The following NPC1L1 variants were observed in gnomAD, a reference collection of about 807,000 sequenced individuals.
NPC1L1 encodes NPC1-like intracellular cholesterol transporter 1.
NPC1L1 carries 98 observed loss-of-function variants against 117.0 expected under a neutral mutation model. That is an observed-to-expected ratio of 0.84 (90% CI 0.71 to 0.99). The LOEUF is 0.99. Among genes scored for constraint, NPC1L1 ranks in the 50% least tolerant of loss-of-function variants. The probability of loss-of-function intolerance (pLI) is 0.00; values close to 1 mark genes in which losing one functional copy is unlikely to be tolerated. For synonymous variants in NPC1L1, 729 were observed against 727.6 expected (o/e 1.00, Z -0.03); for missense variants, 1,540 against 1,710.0 (o/e 0.90, Z 1.75).
Position 44,533,570 on chromosome 7 carries a change from C to A in NPC1L1, c.2282-12G>T. On this transcript the variant is annotated splice_polypyrimidine_tract_variant and intron_variant, in intron 7 of 18. Transcript: ENST00000381160. ...GGGGGTCAGGGCCCCTGTGAGGGAGCAGAGGGCTGTCAGGGCACCCTGGCT... is the reference window on the plus strand; with the variant it reads ...GGGGGTCAGGGCCCCTGTGAGGGAGAAGAGGGCTGTCAGGGCACCCTGGCT... 1 of 1,614,150 alleles carries A rather than the reference C, an allele frequency of 6.2e-7. No individual in the cohort carries two copies. Among genetic ancestry groups the A allele is most frequent in the Non-Finnish European group, 8.5e-7 (1 of 1,180,020 alleles).
Position 44,513,441 on chromosome 7 carries a change from G to T in NPC1L1, c.*6C>A, listed in dbSNP as rs1801097739. 9.3e-6 allele frequency: 15 copies of T among 1,613,874 alleles called. No individual in the cohort carries two copies. Among genetic ancestry groups the T allele is most frequent in the Non-Finnish European group, 1.3e-5 (15 of 1,179,776 alleles). ...CCATAGAGCCTAGACAGGGCCTCTGGCTGTATCAGAACTGCCGCCCATTGT... is the reference window on the plus strand; with the variant it reads ...CCATAGAGCCTAGACAGGGCCTCTGTCTGTATCAGAACTGCCGCCCATTGT... On this transcript the variant is annotated 3_prime_UTR_variant, in exon 19 of 19. Coordinates refer to ENST00000381160, the MANE Select transcript of NPC1L1 (RefSeq NM_001101648.2).
At chr7:44,533,923 G>T in intron 6 of NPC1L1, 70 bp from the exon 7 acceptor site, 1 of 1,321,160 alleles carries the variant, frequency 7.6e-7, no homozygotes, top group African/African-American at 1.4e-5. Context: ...CCAGCAGGGA[G>T]TTGGCAAGTG....
chr7:44,523,622 T>C (rs928908766), intron 10 of NPC1L1, among the ~76,000 whole-genome samples: 8 of 152,042 alleles, frequency 5.3e-5, no homozygotes, highest in African/African-American at 1.9e-4. Flanking sequence ...TTTCAGAACT[T>C]TGGGAGGGCA....
intron 10 of NPC1L1, among the ~76,000 whole-genome samples, chr7:44,527,461 CAAAA>C (rs1160435212): frequency 1.0e-4 from 4 of 40,106 alleles, no homozygotes; most frequent in Admixed American, 2.8e-4. Flanking sequence ...AACAACTTCT[CAAAA>C]AAAAAAAAAA....
rs1160435212 is a variant in NPC1L1 at position 44,527,461 on chromosome 7, C to CAAAAAAAAAAAAAAAAAAAAA, written c.2637+4273_2637+4293dup. 7.5e-5 allele frequency among the ~76,000 whole-genome samples: 3 copies of CAAAAAAAAAAAAAAAAAAAAA among 40,106 alleles called. 1 individual carries two copies. Among genetic ancestry groups the CAAAAAAAAAAAAAAAAAAAAA allele is most frequent in the Non-Finnish European group, 1.5e-4 (3 of 20,252 alleles). The allele number at this position is 40,106 out of a possible 152,430, so 26.3% of individuals were successfully genotyped here. Reference sequence around the variant, plus strand: ...GGGCAACAAGAGCAAAACAACTTCTCAAAAAAAAAAAAAAAAAAAAAAAAA... The same window carrying CAAAAAAAAAAAAAAAAAAAAA: ...GGGCAACAAGAGCAAAACAACTTCTCAAAAAAAAAAAAAAAAAAAAAAAAAAAAAAAAAAAAAAAAAAAAAA... On this transcript the variant is annotated intron_variant, in intron 10 of 18. Coordinates refer to ENST00000381160, the MANE Select transcript of NPC1L1 (RefSeq NM_001101648.2).
chr7:44,534,039 G>A lies in NPC1L1; in HGVS notation c.2167-186C>T, dbSNP rs1240443315. On this transcript the variant is annotated intron_variant, in intron 6 of 18. Coordinates refer to ENST00000381160, the MANE Select transcript of NPC1L1 (RefSeq NM_001101648.2). The surrounding 1 kb of genome is among the most constrained non-coding windows in gnomAD (Gnocchi z 5.2). ...TTCTTCTTCCAGGGTCTGGCTGGGA[G>A]AAATGGTTGGTGCATTTGAGATGTC... Among the ~76,000 whole-genome samples the A allele has an allele frequency of 1.3e-5, 2 of 152,088 alleles. No individual in the cohort carries two copies. The highest frequency in any genetic ancestry group is 2.1e-4 in the South Asian group (1 of 4,796).
rs538243703 is a variant in NPC1L1, at chr7:44,514,611, T to A, written c.3797-962A>T. On this transcript the variant is annotated intron_variant, in intron 18 of 18. Transcript: ENST00000381160. ...TGAACCCAGGAGGCAGAGGTTGCAG[T>A]GAGCTGAGATTGCGCCACTGCACTC... Among the ~76,000 whole-genome samples the A allele has an allele frequency of 2.0e-5, 3 of 151,696 alleles. No homozygotes were observed. In the East Asian group the frequency reaches 5.9e-4, roughly 30 times the overall value.
chr7:44,519,042 T>A (rs1455743519), intron 14 of NPC1L1, among the ~76,000 whole-genome samples: 3 of 152,024 alleles, frequency 2.0e-5, no homozygotes, highest in African/African-American at 7.2e-5. Context: ...TTCTTTTCTT[T>A]TCTTTCCTTT....
In NPC1L1 at chr7:44,535,853, C is replaced by T; in HGVS notation, c.1970G>A (p.Trp657Ter). 1 of 1,613,156 alleles carries T rather than the reference C, an allele frequency of 6.2e-7. No homozygotes were observed. Among genetic ancestry groups the T allele is most frequent in the Non-Finnish European group, 8.5e-7 (1 of 1,179,992 alleles). ...CCCGCTTCTCACCATCACTCGGCTC[C>T]AGCTGGAATAGCTGCCCAGGGCCAG... ...ISLALGSYSS[W>*]SRVMVDSKAT... The change falls in exon 5 of 19, where the codon TGG becomes TAG. Residue 657 changes from tryptophan to a stop codon, truncating the protein, a stop_gained. Coordinates refer to ENST00000381160, the MANE Select transcript of NPC1L1 (RefSeq NM_001101648.2). LOFTEE classifies it high-confidence loss of function.
Position 44,538,691 on chromosome 7 carries a change from A to G in NPC1L1, c.1580+126T>C. On this transcript the variant is annotated intron_variant, in intron 2 of 18. Coordinates refer to ENST00000381160, the MANE Select transcript of NPC1L1 (RefSeq NM_001101648.2). This position sits in a 1 kb window ranked among gnomAD's most constrained non-coding sequence, Gnocchi z 5.9. ...AATCATCTGGGCGGCCCCAGGCCAG[A>G]GCCGTAGGAATAGCTACCTCTGGTC... The G allele has an allele frequency of 1.0e-6, 1 of 970,292 alleles. No homozygotes were observed. Among genetic ancestry groups the G allele is most frequent in the Non-Finnish European group, 1.6e-6 (1 of 611,466 alleles). 60.1% of individuals were successfully genotyped at this position (970,292 alleles called of 1,614,324 possible). A position where few individuals can be genotyped will look rare whatever the true frequency, so the allele number is the denominator to read the frequency against.
intron 8 of NPC1L1, 34 bp downstream of exon 8, chr7:44,533,397 G>A (rs1322961634): frequency 5.0e-6 from 8 of 1,612,712 alleles, no homozygotes; most frequent in African/African-American, 1.3e-5. Context: ...GAACCCAGGG[G>A]CAGGTCCCTC....
chr7:44,533,902 C>T, intron 6 of NPC1L1, 49 bp from the exon 7 acceptor site: 1 of 1,497,666 alleles, frequency 6.7e-7, no homozygotes, highest in Non-Finnish European at 9.1e-7. Context: ...AAGGGCACCG[C>T]CCCTCAAAGG....
rs527948546 is a variant in NPC1L1, at chr7:44,513,392, T to G, written c.*55A>C. 3.8e-4 allele frequency: 581 copies of G among 1,538,836 alleles called. 10 individuals carry two copies. In the South Asian group the frequency reaches 6.1e-3, roughly 16 times the overall value. On this transcript the variant is annotated 3_prime_UTR_variant, in exon 19 of 19. Coordinates refer to ENST00000381160, the MANE Select transcript of NPC1L1 (RefSeq NM_001101648.2). ...TGTCAAGGGGCAGTCACAAGGAAGA[T>G]CCCCATAACCCTTTGGTTCAGGGCC...
At position 44,520,912 on chromosome 7, in the gene NPC1L1, TC is replaced by T. The variant is rs1585131211; in HGVS notation, c.3080+79del. On this transcript the variant is annotated intron_variant, in intron 13 of 18. Coordinates refer to ENST00000381160, the MANE Select transcript of NPC1L1 (RefSeq NM_001101648.2). The stretch of plus-strand genomic sequence containing the variant: ...CACCCCAGAGAGGCCCCTGATAGCC[TC>T]CTCCTGCCTCTCTATATTCAACCCC... 1.2e-5 allele frequency: 20 copies of T among 1,611,826 alleles called. No homozygotes were observed. The East Asian group carries it at 4.5e-4, about 36-fold the overall frequency.
intron 2 of NPC1L1, among the ~76,000 whole-genome samples, chr7:44,537,769 A>G (rs1486216545): frequency 6.6e-6 from 1 of 152,190 alleles, no homozygotes; most frequent in East Asian, 1.9e-4. Context: ...ATAATACCCT[A>G]TAATGGACTA....
In NPC1L1 at chr7:44,536,551, C is replaced by T; in HGVS notation, c.1682-123G>A. The T allele has an allele frequency of 9.1e-7, 1 of 1,099,566 alleles. No homozygotes were observed. Among genetic ancestry groups the T allele is most frequent in the Non-Finnish European group, 1.4e-6 (1 of 737,186 alleles). 68.1% of individuals were successfully genotyped at this position (1,099,566 alleles called of 1,614,324 possible). A position where few individuals can be genotyped will look rare whatever the true frequency, so the allele number is the denominator to read the frequency against. ...CTCCCATCACCCCTTGCTCCTTCTC[C>T]CCCACTCCTTCCTCATCTGATACAT... On this transcript the variant is annotated intron_variant, in intron 3 of 18. Transcript: ENST00000381160. The surrounding 1 kb of genome is among the most constrained non-coding windows in gnomAD (Gnocchi z 4.7).
chr7:44,540,420 G>T, intron 1 of NPC1L1, 78 bp from the exon 2 acceptor site: 1 of 1,321,226 alleles, frequency 7.6e-7, no homozygotes, highest in Non-Finnish European at 1.1e-6. Flanking sequence ...CAGGGAGGGT[G>T]TGAGGGTAAG....
intron 8 of NPC1L1, among the ~76,000 whole-genome samples, chr7:44,532,929 C>T (rs980004590): frequency 6.6e-6 from 1 of 152,108 alleles, no homozygotes; most frequent in Non-Finnish European, 1.5e-5. Flanking sequence ...CATGGTGAAA[C>T]CCCATCTCTA....
rs1563200856 is a variant in NPC1L1 at position 44,516,800 on chromosome 7, T to A, written c.3422A>T (p.Asn1141Ile). ...LGLDLRSGLL[N>I]LLSIVMILVD... ...GAGGATCATGACAATGGAGAGCAGG[T>A]TGAGGAGGCCGGAGCGCAGGTCCAG... Residue 1141 changes from asparagine to isoleucine, a missense_variant, in exon 16 of 19, where the codon AAC becomes ATC. By Grantham distance (149) the Asn-to-Ile change is moderately radical. This residue lies in a region of NPC1L1 where 742 missense variants were observed against 873.6 expected (regional missense o/e 0.85). Coordinates refer to ENST00000381160, the MANE Select transcript of NPC1L1 (RefSeq NM_001101648.2). The A allele has an allele frequency of 3.7e-6, 6 of 1,613,732 alleles. No individual in the cohort carries two copies. The East Asian group carries it at 1.3e-4, about 36-fold the overall frequency.
Sources: gnomAD v4.1 joint callset for allele counts (sites outside exome capture counted in the v4.1 genomes callset) on GRCh38, gnomAD v4.1.1 for gene constraint, gnomAD v4.1.1 regional missense constraint, Gnocchi (gnomAD v3.1) non-coding constraint, MANE v1.5 for transcripts, NCBI Gene and HGNC (gene_info 2026-07-23, HGNC 2026-07-21) for gene names.